The following TMEM38B variants were observed in gnomAD, a reference collection of about 807,000 sequenced individuals.
TMEM38B encodes the protein trimeric intracellular cation channel type B.
A neutral mutation model predicts 28.7 loss-of-function variants in TMEM38B; 24 were observed. That is an observed-to-expected ratio of 0.84 (90% CI 0.61 to 1.18). The LOEUF is 1.18. Ranked by LOEUF, TMEM38B falls within the 50% of genes most tolerant of loss-of-function variation. The probability of loss-of-function intolerance (pLI) is 0.00; values close to 1 mark genes in which losing one functional copy is unlikely to be tolerated. For synonymous variants in TMEM38B, 131 were observed against 127.7 expected (o/e 1.03, Z -0.17); for missense variants, 380 against 350.9 (o/e 1.08, Z -0.66).
At chr9:105,765,661 C>T (rs1826347611) in intron 5 of TMEM38B, among the ~76,000 whole-genome samples, 1 of 152,002 alleles carries the variant, frequency 6.6e-6, no homozygotes, top group Admixed American at 6.6e-5. Context: ...TATTAGGTAC[C>T]ACAATTTGTT....
intron 4 of TMEM38B, 120 bp downstream of exon 4, chr9:105,722,741 G>A (rs73518147): frequency 2.8e-4 from 197 of 705,558 alleles, no homozygotes; most frequent in African/African-American, 2.8e-3. Flanking sequence ...AATATAAATA[G>A]TAATGATAAT....
chr9:105,712,812 C>T (rs1032531531), intron 2 of TMEM38B, among the ~76,000 whole-genome samples: 1 of 152,248 alleles, frequency 6.6e-6, no homozygotes. Flanking sequence ...CAGCCCCACA[C>T]CCCCCACAGC....
At chr9:105,746,731 TA>T (rs1837410382) in intron 4 of TMEM38B, among the ~76,000 whole-genome samples, 1 of 152,198 alleles carries the variant, frequency 6.6e-6, no homozygotes. Context: ...AAATAGCTCT[TA>T]TTATTTTGAG....
At chr9:105,764,447 C>T (rs1564417926) in intron 5 of TMEM38B, among the ~76,000 whole-genome samples, 2 of 152,118 alleles carry the variant, frequency 1.3e-5, no homozygotes, top group South Asian at 2.1e-4. Context: ...AACACACAAA[C>T]AGAGAGCCAA....
At chr9:105,759,158 A>G in intron 5 of TMEM38B, 2 of 762,930 alleles carry the variant, frequency 2.6e-6, no homozygotes, top group Non-Finnish European at 4.9e-6. Context: ...TATTCAGCAC[A>G]ATCACAGATT....
chr9:105,728,415 C>CATG (rs1836605976), intron 4 of TMEM38B, among the ~76,000 whole-genome samples: 1 of 152,178 alleles, frequency 6.6e-6, no homozygotes, highest in Admixed American at 6.5e-5. Context: ...CTGTAAAGGA[C>CATG]ATGAACTCAT....
At chr9:105,758,506 A>G in intron 5 of TMEM38B, 1 of 1,279,070 alleles carries the variant, frequency 7.8e-7, no homozygotes, top group Non-Finnish European at 1.1e-6. Flanking sequence ...AGAAATAATA[A>G]CAGTTTTGGT....
chr9:105,734,616 A>G, intron 4 of TMEM38B, among the ~76,000 whole-genome samples: 1 of 152,164 alleles, frequency 6.6e-6, no homozygotes, highest in South Asian at 2.1e-4. Context: ...AGTTGCTCCA[A>G]TGTTGGGAAC....
intron 4 of TMEM38B, among the ~76,000 whole-genome samples, chr9:105,747,779 G>A (rs757738302): frequency 5.9e-5 from 9 of 151,886 alleles, no homozygotes; most frequent in African/African-American, 9.7e-5. Context: ...ATGTTGTGTC[G>A]TTGTTCTCGT....
chr9:105,759,676 A>C (rs942692431), intron 5 of TMEM38B: 14 of 1,600,194 alleles, frequency 8.7e-6, no homozygotes, highest in Non-Finnish European at 9.4e-6. Context: ...ACAAAATACT[A>C]AACTGTTTTT....
chr9:105,709,838 A>G (rs2133559797), intron 2 of TMEM38B, among the ~76,000 whole-genome samples: 1 of 152,352 alleles, frequency 6.6e-6, no homozygotes, highest in East Asian at 1.9e-4. Flanking sequence ...AATGGCGAAA[A>G]TGGAACTTTT....
rs1241279358 is a variant in TMEM38B, at chr9:105,705,582, A to T, written c.113-15A>T. ...GTATAATGATCACAGACCATATTTT[A>T]CTTTACCATTTCAGGAGCAGCTGCA... On this transcript the variant is annotated splice_polypyrimidine_tract_variant and intron_variant, in intron 1 of 5. Transcript: ENST00000374692. 6.2e-7 allele frequency: 1 copy of T among 1,608,900 alleles called. No individual in the cohort carries two copies. The highest frequency in any genetic ancestry group is 2.2e-5 in the East Asian group (1 of 44,746).
rs780999389 is a variant in TMEM38B, at chr9:105,694,668, C to T, written c.8C>T (p.Ser3Phe). The change falls in exon 1 of 6, where the codon TCT (serine) becomes TTT (phenylalanine). Residue 3 changes from serine (S) to phenylalanine (F), a missense_variant. Coordinates refer to ENST00000374692, the MANE Select transcript of TMEM38B (RefSeq NM_018112.3). ...CCGCGGTCGGTGGTCGTTATGGATT[C>T]TCCATGGGACGAGTTGGCTCTGGCC... MD[S>F]PWDELALAFS... is the part of the protein sequence containing the mutation. 4.3e-6 allele frequency: 7 copies of T among 1,613,656 alleles called. No individual in the cohort carries two copies. Among genetic ancestry groups the T allele is most frequent in the Middle Eastern group, 1.7e-4 (1 of 6,040 alleles).
intron 5 of TMEM38B, among the ~76,000 whole-genome samples, chr9:105,765,781 C>T (rs7038788): frequency 0.23 from 35,234 of 151,782 alleles, 6,707 homozygotes; most frequent in African/African-American, 0.51. Context: ...TGTCTGTACA[C>T]AGACACATAT....
chr9:105,740,850 G>T (rs1030336657), intron 4 of TMEM38B, among the ~76,000 whole-genome samples: 1 of 152,156 alleles, frequency 6.6e-6, no homozygotes, highest in Non-Finnish European at 1.5e-5. Context: ...TAATGTGTCA[G>T]TATATTTCTA....
rs1835632956 is a variant in TMEM38B, at chr9:105,705,725, A to G, written c.241A>G (p.Thr81Ala). 1 of 1,613,664 alleles carries G rather than the reference A, an allele frequency of 6.2e-7. No homozygotes were observed. The highest frequency in any genetic ancestry group is 8.5e-7 in the Non-Finnish European group (1 of 1,179,998). ...TCCATTGAAGTTTCTTGCAAACCAC[A>G]CTAACATATTACTGGCATCTTCAAT... ...EPPLKFLANHTNILLASSIWY... is the reference protein window; with the variant it reads ...EPPLKFLANHANILLASSIWY... Residue 81 changes from threonine to alanine, a missense_variant, in exon 2 of 6, where the codon ACT (threonine) becomes GCT (alanine). Coordinates refer to ENST00000374692, the MANE Select transcript of TMEM38B (RefSeq NM_018112.3).
chr9:105,739,484 A>G (rs1478391757), intron 4 of TMEM38B, among the ~76,000 whole-genome samples: 5 of 152,166 alleles, frequency 3.3e-5, no homozygotes, highest in African/African-American at 1.2e-4. Flanking sequence ...TTGACCCCGT[A>G]GATGGCTTTG....
intron 4 of TMEM38B, among the ~76,000 whole-genome samples, chr9:105,732,391 T>C (rs966434421): frequency 6.6e-6 from 1 of 152,244 alleles, no homozygotes; most frequent in African/African-American, 2.4e-5. Context: ...CCCATGCCTT[T>C]GTCCTGAATG....
At chr9:105,705,875 A>G in intron 2 of TMEM38B, 122 bp downstream of exon 2, 4 of 1,015,612 alleles carry the variant, frequency 3.9e-6, no homozygotes, top group Non-Finnish European at 5.6e-6. Flanking sequence ...TGCATCTGCA[A>G]GGAAGGAACC....
Sources: gnomAD v4.1 joint callset for allele counts (sites outside exome capture counted in the v4.1 genomes callset) on GRCh38, gnomAD v4.1.1 for gene constraint, MANE v1.5 for transcripts, NCBI Gene and HGNC (gene_info 2026-07-23, HGNC 2026-07-21) for gene names.